Variants in CHIC1 observed in about 807,000 individuals in gnomAD.
The protein encoded by CHIC1 is cysteine rich hydrophobic domain 1, also known as cysteine-rich hydrophobic domain-containing protein 1.
A neutral mutation model predicts 18.5 loss-of-function variants in CHIC1; 7 were observed. That is an observed-to-expected ratio of 0.38 (90% CI 0.22 to 0.71). CHIC1 has a LOEUF of 0.71. CHIC1 is among the 30% of genes least tolerant of loss of function. The pLI, the probability that CHIC1 is intolerant of heterozygous loss-of-function variation, is 0.49. For synonymous variants in CHIC1, 77 were observed against 73.5 expected, an observed-to-expected ratio of 1.05 and a Z score of -0.25; for missense variants, 159 against 176.9, an observed-to-expected ratio of 0.90 and a Z score of 0.57.
At chrX:73,634,903 G>A (rs1603346207) in intron 3 of CHIC1, among the ~76,000 whole-genome samples, 1 of 111,104 alleles carries the variant, frequency 9.0e-6, no homozygotes, top group East Asian at 2.8e-4. Flanking sequence ...GAGATGACAT[G>A]GGTAAATTGA....
intron 1 of CHIC1, among the ~76,000 whole-genome samples, chrX:73,564,173 C>T (rs768339623): frequency 9.0e-6 from 1 of 111,413 alleles, no homozygotes; most frequent in East Asian, 2.8e-4. Flanking sequence ...GGCTCTTAGA[C>T]GCTGGTCCCG....
At chrX:73,585,942 A>G (rs1334393016) in intron 3 of CHIC1, among the ~76,000 whole-genome samples, 1 of 111,331 alleles carries the variant, frequency 9.0e-6, no homozygotes, top group East Asian at 2.8e-4. Flanking sequence ...AAAAGCTCAT[A>G]GTGAAGTTGA....
intron 3 of CHIC1, among the ~76,000 whole-genome samples, chrX:73,665,130 T>C (rs1021746353): frequency 1.8e-5 from 2 of 111,918 alleles, no homozygotes; most frequent in Non-Finnish European, 3.8e-5. Context: ...ATAGCTGCAG[T>C]GTATCCCTTG....
At chrX:73,583,330 G>A (rs1302639764) in intron 2 of CHIC1, among the ~76,000 whole-genome samples, 2 of 111,014 alleles carry the variant, frequency 1.8e-5, no homozygotes, top group East Asian at 5.7e-4. Context: ...TTGTAGTGTT[G>A]ATTCTAAGAC....
intron 1 of CHIC1, among the ~76,000 whole-genome samples, chrX:73,574,238 TGTG>T (rs2057485337): frequency 1.8e-5 from 2 of 111,097 alleles, no homozygotes; most frequent in Non-Finnish European, 3.8e-5. Context: ...TTTATTGATT[TGTG>T]TATGTTGAAC....
At chrX:73,663,026 A>G (rs1246849731) in intron 3 of CHIC1, among the ~76,000 whole-genome samples, 1 of 111,533 alleles carries the variant, frequency 9.0e-6, no homozygotes, top group Non-Finnish European at 1.9e-5. Context: ...GTAAACAGAA[A>G]TTTTTCTCTG....
At chrX:73,629,943 G>A (rs1042631668) in intron 3 of CHIC1, among the ~76,000 whole-genome samples, 2 of 111,717 alleles carry the variant, frequency 1.8e-5, no homozygotes, top group Non-Finnish European at 3.8e-5. Context: ...ATCTTTTTGT[G>A]TATTTGTGTC....
intron 3 of CHIC1, among the ~76,000 whole-genome samples, chrX:73,630,760 A>G (rs2057803216): frequency 8.9e-6 from 1 of 111,836 alleles, no homozygotes; most frequent in African/African-American, 3.3e-5. Flanking sequence ...TGTAGAATAT[A>G]TTTGGAATTG....
At chrX:73,623,163 A>T (rs1179720670) in intron 3 of CHIC1, among the ~76,000 whole-genome samples, 2 of 111,180 alleles carry the variant, frequency 1.8e-5, no homozygotes, top group Non-Finnish European at 3.8e-5. Context: ...TATTCTCTTG[A>T]TTTGGGGTGG....
At chrX:73,625,988 G>T (rs1392264247) in intron 3 of CHIC1, among the ~76,000 whole-genome samples, 1 of 110,561 alleles carries the variant, frequency 9.0e-6, no homozygotes, top group Admixed American at 9.6e-5. Flanking sequence ...TGGGTCGGGG[G>T]TCTCCTCAGT....
At chrX:73,600,131 G>A (rs1439342086) in intron 3 of CHIC1, among the ~76,000 whole-genome samples, 1 of 100,649 alleles carries the variant, frequency 9.9e-6, no homozygotes, top group Non-Finnish European at 2.0e-5. Flanking sequence ...TTGGCTCTCT[G>A]TTTGTCTGTT....
At chrX:73,645,797 T>C (rs1413489375) in intron 3 of CHIC1, among the ~76,000 whole-genome samples, 1 of 111,774 alleles carries the variant, frequency 8.9e-6, no homozygotes, top group African/African-American at 3.2e-5. Flanking sequence ...TTTTGGATAT[T>C]AGCCTTGTCA....
chrX:73,608,540 T>G (rs557786353), intron 3 of CHIC1, among the ~76,000 whole-genome samples: 2 of 108,783 alleles, frequency 1.8e-5, no homozygotes, highest in South Asian at 7.5e-4. Context: ...GAGCAGACTG[T>G]CTTAAATAAG....
At position 73,591,189 on chromosome X, in the gene CHIC1, G is replaced by T. The variant is rs138525192; in HGVS notation, c.507+6617G>T. Among the ~76,000 whole-genome samples the T allele has an allele frequency of 4.4e-3, 494 of 111,027 alleles. 1 individual carries two copies. The highest frequency in any genetic ancestry group is 9.2e-3 in the Middle Eastern group (2 of 218). ...AATTTCTAATTCTGCATAGTCATAC[G>T]ATATTGAGCAGCTTTTTACAAGCTT... On this transcript the variant is annotated intron_variant, in intron 3 of 5. Transcript: ENST00000373502.
chrX:73,598,726 T>G (rs901076378), intron 3 of CHIC1, among the ~76,000 whole-genome samples: 3 of 110,740 alleles, frequency 2.7e-5, no homozygotes, highest in African/African-American at 9.9e-5. Flanking sequence ...TAATCCAGTC[T>G]ATCATTGTTG....
intron 3 of CHIC1, among the ~76,000 whole-genome samples, chrX:73,664,027 G>A (rs2057993257): frequency 9.0e-6 from 1 of 111,241 alleles, no homozygotes; most frequent in African/African-American, 3.3e-5. Context: ...TTTTAGCCCT[G>A]ATTCTTTGGG....
At chrX:73,595,283 C>CATCT (rs2057601921) in intron 3 of CHIC1, among the ~76,000 whole-genome samples, 1 of 110,897 alleles carries the variant, frequency 9.0e-6, no homozygotes, top group Non-Finnish European at 1.9e-5. Flanking sequence ...ATCAACCCAT[C>CATCT]ATCTACATTA....
intron 3 of CHIC1, among the ~76,000 whole-genome samples, chrX:73,671,836 T>C (rs955259930): frequency 1.8e-5 from 2 of 109,980 alleles, no homozygotes; most frequent in East Asian, 2.8e-4. Flanking sequence ...TTGTTACATA[T>C]GTATACATGT....
At chrX:73,635,901 G>T (rs2057829401) in intron 3 of CHIC1, among the ~76,000 whole-genome samples, 1 of 111,294 alleles carries the variant, frequency 9.0e-6, no homozygotes, top group Non-Finnish European at 1.9e-5. Flanking sequence ...GGTCCTGTTG[G>T]CTCATGATGT....
Sources: gnomAD v4.1 joint callset for allele counts (sites outside exome capture counted in the v4.1 genomes callset) on GRCh38, gnomAD v4.1.1 for gene constraint, MANE v1.5 for transcripts, NCBI Gene and HGNC (gene_info 2026-07-23, HGNC 2026-07-21) for gene names.